Variants in EYS observed in about 807,000 individuals in gnomAD.
EYS encodes the protein protein eyes shut homolog.
A neutral mutation model predicts 282.1 loss-of-function variants in EYS; 250 were observed. That is an observed-to-expected ratio of 0.89 (90% CI 0.80 to 0.98). EYS has a LOEUF of 0.98. Ranked by LOEUF, EYS falls within the 50% of genes least tolerant of loss-of-function variation. EYS has a pLI of 0.00. For synonymous variants in EYS, 1,355 were observed against 1,282.9 expected, an observed-to-expected ratio of 1.06 and a Z score of -1.20; for missense variants, 4,016 against 3,709.0, an observed-to-expected ratio of 1.08 and a Z score of -2.15.
intron 2 of EYS, among the ~76,000 whole-genome samples, chr6:65,510,244 T>C (rs1766817930): frequency 6.9e-6 from 1 of 145,036 alleles, no homozygotes; most frequent in Non-Finnish European, 1.5e-5. Flanking sequence ...ATTGTTCAAT[T>C]CCCACCTATG....
At chr6:64,237,495 A>G (rs1766653698) in intron 30 of EYS, among the ~76,000 whole-genome samples, 1 of 152,184 alleles carries the variant, frequency 6.6e-6, no homozygotes, top group Admixed American at 6.5e-5. Context: ...CTCTTGTACT[A>G]TTTCAGTGGA....
At chr6:64,159,327 G>A (rs542974205) in intron 31 of EYS, among the ~76,000 whole-genome samples, 23 of 152,068 alleles carry the variant, frequency 1.5e-4, no homozygotes, top group African/African-American at 5.1e-4. Flanking sequence ...TTGGGAGGCC[G>A]AGGCAGGTGA....
chr6:64,963,382 C>G (rs1443071589), intron 14 of EYS, among the ~76,000 whole-genome samples: 1 of 152,122 alleles, frequency 6.6e-6, no homozygotes, highest in East Asian at 1.9e-4. Flanking sequence ...GAATGGCACC[C>G]TAGGTTTGAT....
chr6:64,648,045 T>A (rs1367400334), intron 22 of EYS, among the ~76,000 whole-genome samples: 2 of 152,194 alleles, frequency 1.3e-5, no homozygotes, highest in African/African-American at 4.8e-5. Flanking sequence ...CAGTTATGCT[T>A]AAATGGCTGA....
intron 22 of EYS, among the ~76,000 whole-genome samples, chr6:64,646,710 C>T (rs911943761): frequency 2.0e-5 from 3 of 151,520 alleles, no homozygotes; most frequent in African/African-American, 7.3e-5. Flanking sequence ...GAGGCTGAGG[C>T]AGGAGAATGG....
At chr6:64,453,260 T>G (rs1185136906) in intron 26 of EYS, among the ~76,000 whole-genome samples, 1 of 152,166 alleles carries the variant, frequency 6.6e-6, no homozygotes. Context: ...GAAAAAATGC[T>G]TATCATCACT....
intron 26 of EYS, among the ~76,000 whole-genome samples, chr6:64,528,478 G>T (rs537371326): frequency 1.3e-5 from 2 of 151,922 alleles, no homozygotes; most frequent in Admixed American, 6.6e-5. Context: ...GATGTTCCAC[G>T]TGGATTCAAA....
rs1768027139 is a variant in EYS, at chr6:64,912,395, T to A, written c.2641+89A>T. 3.3e-6 allele frequency: 4 copies of A among 1,208,030 alleles called. No individual in the cohort carries two copies. The South Asian group carries it at 5.5e-5, about 17-fold the overall frequency. The allele number at this position is 1,208,030 out of a possible 1,614,324, so 74.8% of individuals were successfully genotyped here. A position where few individuals can be genotyped will look rare whatever the true frequency, so the allele number is the denominator to read the frequency against. On this transcript the variant is annotated intron_variant, in intron 16 of 42. Transcript: ENST00000503581. ...TGTACATAGGATTTTTCCAACCCAT[T>A]TTAGGAGGCCATCATCCCATAGGCA... is the stretch of plus-strand genomic sequence containing the variant.
At chr6:63,867,948 T>G (rs1291637205) in intron 35 of EYS, among the ~76,000 whole-genome samples, 1 of 152,188 alleles carries the variant, frequency 6.6e-6, no homozygotes, top group African/African-American at 2.4e-5. Context: ...GAGTGAAAGC[T>G]TGATGGGCAT....
chr6:64,434,429 AC>A (rs1774672291), intron 28 of EYS, among the ~76,000 whole-genome samples: 1 of 152,120 alleles, frequency 6.6e-6, no homozygotes, highest in Admixed American at 6.6e-5. Context: ...AGCATATGGT[AC>A]ATGTTAATTG....
intron 35 of EYS, among the ~76,000 whole-genome samples, chr6:63,878,379 C>A (rs145586545): frequency 2.0e-5 from 3 of 152,064 alleles, no homozygotes; most frequent in South Asian, 2.1e-4. Context: ...AGGTGTCAGT[C>A]GGCCCTTACT....
chr6:64,944,872 A>T (rs1415850752), intron 15 of EYS, among the ~76,000 whole-genome samples: 2 of 152,122 alleles, frequency 1.3e-5, no homozygotes, highest in African/African-American at 2.4e-5. Flanking sequence ...GTTTGGGTGG[A>T]GAGAAACATA....
At chr6:64,476,143 C>A (rs1743546312) in intron 26 of EYS, among the ~76,000 whole-genome samples, 1 of 152,058 alleles carries the variant, frequency 6.6e-6, no homozygotes, top group African/African-American at 2.4e-5. Flanking sequence ...CCATTCAGCC[C>A]AGGGAGCTTT....
At position 65,405,385 on chromosome 6, in the gene EYS, C is replaced by T; in HGVS notation, c.863-18G>A. 7.4e-7 allele frequency: 1 copy of T among 1,343,596 alleles called. No individual in the cohort carries two copies. Among genetic ancestry groups the T allele is most frequent in the Non-Finnish European group, 1.0e-6 (1 of 1,004,822 alleles). The allele number at this position is 1,343,596 out of a possible 1,614,324, so 83.2% of individuals were successfully genotyped here. A position where few individuals can be genotyped will look rare whatever the true frequency, so the allele number is the denominator to read the frequency against. ...GAATGGACCTTAAAAAAATCACACA[C>T]AAGAAAAAAAAAGAAAAGGAAGGAA... On this transcript the variant is annotated intron_variant, in intron 5 of 42. Transcript: ENST00000503581.
At chr6:64,270,818 T>G (rs1480817850) in intron 30 of EYS, among the ~76,000 whole-genome samples, 2 of 152,204 alleles carry the variant, frequency 1.3e-5, no homozygotes, top group Non-Finnish European at 2.9e-5. Context: ...TATTTTTGAA[T>G]TTCAGTTTGC....
chr6:64,959,385 GT>G (rs1404737928), intron 14 of EYS, among the ~76,000 whole-genome samples: 1 of 152,084 alleles, frequency 6.6e-6, no homozygotes, highest in African/African-American at 2.4e-5. Context: ...AAGCATAAGT[GT>G]TTTTTTCTTT....
At chr6:65,151,136 T>C (rs1764601932) in intron 12 of EYS, among the ~76,000 whole-genome samples, 1 of 151,976 alleles carries the variant, frequency 6.6e-6, no homozygotes, top group African/African-American at 2.4e-5. Flanking sequence ...TTATGACCTA[T>C]TTACTCAATT....
intron 2 of EYS, among the ~76,000 whole-genome samples, chr6:65,513,797 A>G (rs1007576400): frequency 1.3e-5 from 2 of 152,106 alleles, no homozygotes; most frequent in Admixed American, 6.5e-5. Flanking sequence ...ATCTCAAAAT[A>G]ATAAGAGCTA....
rs374109647 is a variant in EYS, at chr6:65,165,128, CT to C, written c.2024-107402del. 4.4e-4 allele frequency among the ~76,000 whole-genome samples: 67 copies of C among 150,640 alleles called. 1 individual carries two copies. Among genetic ancestry groups the C allele is most frequent in the East Asian group, 4.3e-3 (22 of 5,074 alleles). Reference sequence around the variant, plus strand: ...AAATAAATTCTAACATTAATTGGTACTTTTTTTTTCTAACACAGTTCATGCA... The same window carrying C: ...AAATAAATTCTAACATTAATTGGTACTTTTTTTTCTAACACAGTTCATGCA... On this transcript the variant is annotated intron_variant, in intron 12 of 42. Transcript: ENST00000503581.
Sources: allele counts gnomAD v4.1 joint callset (sites outside exome capture counted in the v4.1 genomes callset), GRCh38; gene constraint gnomAD v4.1.1; transcripts MANE v1.5; gene names NCBI Gene and HGNC (gene_info 2026-07-23, HGNC 2026-07-21).